The following CHCT1 variants were observed in gnomAD, a reference collection of about 807,000 sequenced individuals.
CHCT1 encodes the protein CHD1 helical C-terminal domain containing protein 1.
At chr17:60,423,885 A>C in the CHCT1 span, among the ~76,000 whole-genome samples, 1 of 152,202 alleles carries the variant, frequency 6.6e-6, no homozygotes, top group African/African-American at 2.4e-5. Context: ...TTGCATTCCT[A>C]TAAAGGAATA....
the CHCT1 span, chr17:60,429,252 T>C: frequency 8.2e-7 from 1 of 1,222,398 alleles, no homozygotes; most frequent in East Asian, 2.6e-5. Context: ...GTTAGGCAAG[T>C]GTGACCGGCA....
chr17:60,425,819 G>A, the CHCT1 span: 1,017 of 1,551,544 alleles, frequency 6.6e-4, no homozygotes, highest in Non-Finnish European at 8.3e-4. Context: ...AAGCTCCAGC[G>A]CCAGCCCTGC....
At chr17:60,428,306 C>T in the CHCT1 span, among the ~76,000 whole-genome samples, 1 of 152,076 alleles carries the variant, frequency 6.6e-6, no homozygotes, top group South Asian at 2.1e-4. Context: ...GGATGAGAGC[C>T]GTGCTCTAAC....
the CHCT1 span, chr17:60,431,291 C>A: frequency 1.3e-6 from 2 of 1,544,372 alleles, no homozygotes; most frequent in East Asian, 4.6e-5. Context: ...ACAAAGGGCC[C>A]GCTTGTCCTG....
chr17:60,429,566 C>A, the CHCT1 span: 2 of 1,612,720 alleles, frequency 1.2e-6, no homozygotes, highest in South Asian at 2.2e-5. Context: ...AGGTAATGAC[C>A]ATTTGGTGTT....
the CHCT1 span, among the ~76,000 whole-genome samples, chr17:60,428,446 C>T: frequency 6.6e-6 from 1 of 151,122 alleles, no homozygotes; most frequent in East Asian, 1.9e-4. Context: ...GGAGCTGCCA[C>T]TTTACTGATT....
At chr17:60,430,637 C>T in the CHCT1 span, among the ~76,000 whole-genome samples, 1 of 152,172 alleles carries the variant, frequency 6.6e-6, no homozygotes, top group Non-Finnish European at 1.5e-5. Flanking sequence ...TGTGCCACCA[C>T]ACCTGGCTAT....
chr17:60,425,644 A>T, the CHCT1 span: 2 of 609,596 alleles, frequency 3.3e-6, no homozygotes, highest in Non-Finnish European at 5.9e-6. Context: ...CCCAAGGCTC[A>T]CTCACATCCA....
At chr17:60,431,026 T>C in the CHCT1 span, among the ~76,000 whole-genome samples, 1 of 152,128 alleles carries the variant, frequency 6.6e-6, no homozygotes, top group Admixed American at 6.5e-5. Flanking sequence ...CTCTACTGGG[T>C]TTCTGTGAGA....
the CHCT1 span, chr17:60,421,986 C>A: frequency 1.0e-6 from 1 of 973,012 alleles, no homozygotes; most frequent in Non-Finnish European, 1.2e-6. Flanking sequence ...TCTTTATACA[C>A]CCCCAAAACA....
At chr17:60,429,260 G>A in the CHCT1 span, 1 of 1,290,184 alleles carries the variant, frequency 7.8e-7, no homozygotes, top group Admixed American at 2.4e-5. Flanking sequence ...AGTGTGACCG[G>A]CAGGCAGACC....
chr17:60,429,575 T>C, the CHCT1 span: 31 of 1,610,342 alleles, frequency 1.9e-5, no homozygotes, highest in South Asian at 6.6e-5. Flanking sequence ...CCATTTGGTG[T>C]TGGGGTGATG....
the CHCT1 span, among the ~76,000 whole-genome samples, chr17:60,430,305 T>G: frequency 3.1e-4 from 47 of 152,116 alleles, no homozygotes; most frequent in African/African-American, 9.6e-4. Context: ...TGTTTTTGGC[T>G]AGAGGCTACA....
chr17:60,431,080 A>C, the CHCT1 span: 2 of 779,150 alleles, frequency 2.6e-6, no homozygotes, highest in Non-Finnish European at 4.1e-6. Context: ...GGATTTTGCT[A>C]TTCTTCCTCT....
At chr17:60,422,951 G>C in the CHCT1 span, among the ~76,000 whole-genome samples, 1 of 152,060 alleles carries the variant, frequency 6.6e-6, no homozygotes, top group African/African-American at 2.4e-5. Flanking sequence ...TGATCAGCCA[G>C]AGTCCTGTCT....
chr17:60,425,368 A>C, the CHCT1 span, among the ~76,000 whole-genome samples: 1 of 152,128 alleles, frequency 6.6e-6, no homozygotes, highest in Non-Finnish European at 1.5e-5. Context: ...TTTTTTGTAG[A>C]GACCAGGTCT....
chr17:60,426,068 G>A, the CHCT1 span: 22 of 1,407,304 alleles, frequency 1.6e-5, no homozygotes, highest in Non-Finnish European at 2.1e-5. Context: ...GCCACTCAGG[G>A]CTGCGGCCAG....
chr17:60,426,163 T>C, the CHCT1 span: 3 of 1,551,632 alleles, frequency 1.9e-6, 1 homozygote, highest in African/African-American at 1.4e-5. Flanking sequence ...CTCCTCAGTG[T>C]AAAGAATACC....
chr17:60,424,053 C>G, the CHCT1 span, among the ~76,000 whole-genome samples: 2 of 152,208 alleles, frequency 1.3e-5, no homozygotes, highest in East Asian at 1.9e-4. Context: ...AGAGAGCAAG[C>G]AAGAGAGAGA....
Sources: allele counts gnomAD v4.1 joint callset (sites outside exome capture counted in the v4.1 genomes callset), GRCh38; gene constraint gnomAD v4.1.1; transcripts MANE v1.5; gene names NCBI Gene and HGNC (gene_info 2026-07-23, HGNC 2026-07-21).